The following CHL1 variants were observed in gnomAD, a reference collection of about 807,000 sequenced individuals.
CHL1 encodes the protein neural cell adhesion molecule L1-like protein.
Under a neutral mutation model 141.9 loss-of-function variants are expected in CHL1, and 96 were observed. The ratio of observed to expected loss-of-function variants is 0.68; its 90% CI spans 0.57 to 0.80. The LOEUF (loss-of-function observed/expected upper bound fraction) is 0.80, where lower values mean the gene tolerates loss of function less well. CHL1 is among the 30% of genes least tolerant of loss of function. The probability of loss-of-function intolerance (pLI) is 0.00; values close to 1 mark genes in which losing one functional copy is unlikely to be tolerated. For missense variants in CHL1, 1,820 were observed against 1,457.2 expected, an observed-to-expected ratio of 1.25 and a Z score of -4.05; for synonymous variants, 613 against 502.2, an observed-to-expected ratio of 1.22 and a Z score of -2.95.
At chr3:400,062 A>C (rs113619785) in intron 26 of CHL1, among the ~76,000 whole-genome samples, 4,854 of 152,316 alleles carry the variant, frequency 0.032, 129 homozygotes, top group African/African-American at 0.075. Context: ...ATATTGTATC[A>C]AGATGATGAT....
At position 328,283 on chromosome 3, in the gene CHL1, G is replaced by A; in HGVS notation, c.314G>A (p.Gly105Glu). 1 of 1,612,348 alleles carries A rather than the reference G, an allele frequency of 6.2e-7. No homozygotes were observed. Among genetic ancestry groups the A allele is most frequent in the Non-Finnish European group, 8.5e-7 (1 of 1,178,914 alleles). ...GAGGGGCACATATCTCACTTTCAAG[G>A]GAAATACCGCTGCTTTGCTTCAAAT... ...PNEGHISHFQ[G>E]KYRCFASNKL... Residue 105 changes from glycine to glutamate, a missense_variant, in exon 5 of 28, where the codon GGG becomes GAG. By Grantham distance (98) the Gly-to-Glu change is moderately conservative. Transcript: ENST00000256509.
chr3:363,415 T>A, intron 14 of CHL1, 32 bp downstream of exon 14: 1 of 1,578,012 alleles, frequency 6.3e-7, no homozygotes, highest in Non-Finnish European at 8.7e-7. Flanking sequence ...TTTGCATGAA[T>A]TGTCACATGG....
At position 345,712 on chromosome 3, in the gene CHL1, G is replaced by A. The variant is rs149208603; in HGVS notation, c.848+1003G>A. ...GTTAGCCAGGAAGGTCTCGATCTCC[G>A]GACCCTGTGATCCACCTGAGTTGGC... On this transcript the variant is annotated intron_variant, in intron 9 of 27. Transcript: ENST00000256509. Among the ~76,000 whole-genome samples, 19 of 152,024 alleles carry A rather than the reference G, an allele frequency of 1.2e-4. 1 individual carries two copies. Among genetic ancestry groups the A allele is most frequent in the African/African-American group, 2.7e-4 (11 of 41,494 alleles).
rs375382994 is a variant in CHL1 at position 254,935 on chromosome 3, C to G, written c.-95+10243C>G. ...ACTTGAATTTGGGAAGGGATGCATT[C>G]AAACCCTACCATCATGCAAAGAAGC... On this transcript the variant is annotated intron_variant, in intron 2 of 27. Coordinates refer to ENST00000256509, the MANE Select transcript of CHL1 (RefSeq NM_006614.4). Among the ~76,000 whole-genome samples, 28 of 152,272 alleles carry G rather than the reference C, an allele frequency of 1.8e-4. No homozygotes were observed. In the East Asian group the frequency reaches 4.4e-3, roughly 24 times the overall value.
chr3:224,926 G>A (rs887260953), intron 1 of CHL1, among the ~76,000 whole-genome samples: 32 of 151,986 alleles, frequency 2.1e-4, no homozygotes, highest in African/African-American at 4.1e-4. Flanking sequence ...ACCTAAGGTC[G>A]AGAGTTCAAG....
chr3:386,686 A>C (rs1458517416), intron 19 of CHL1, among the ~76,000 whole-genome samples: 1 of 152,220 alleles, frequency 6.6e-6, no homozygotes, highest in Non-Finnish European at 1.5e-5. Context: ...AAGCAGGAAC[A>C]TCTTTAATTA....
chr3:297,734 G>A lies in CHL1; in HGVS notation c.-94-21949G>A, dbSNP rs149853565. ...GGTTTGCTTTGTATCCCATGGAGATGATCTGAGCTTAAGCTTTTGTTAGCT... is the reference window on the plus strand; with the variant it reads ...GGTTTGCTTTGTATCCCATGGAGATAATCTGAGCTTAAGCTTTTGTTAGCT... On this transcript the variant is annotated intron_variant, in intron 2 of 27. Transcript: ENST00000256509. Among the ~76,000 whole-genome samples, 85 of 152,306 alleles carry A rather than the reference G, an allele frequency of 5.6e-4. No homozygotes were observed. In the East Asian group the frequency reaches 0.015, roughly 27 times the overall value.
At chr3:315,105 A>C (rs1228287875) in intron 2 of CHL1, among the ~76,000 whole-genome samples, 3 of 152,184 alleles carry the variant, frequency 2.0e-5, no homozygotes. Flanking sequence ...AGGAGGGACT[A>C]TATCCTCATT....
At chr3:214,572 C>T (rs954163874) in intron 1 of CHL1, among the ~76,000 whole-genome samples, 1 of 152,094 alleles carries the variant, frequency 6.6e-6, no homozygotes, top group East Asian at 1.9e-4. Context: ...CTATTTTATA[C>T]ATTGCATTTT....
chr3:344,834 T>C, intron 9 of CHL1, 125 bp downstream of exon 9: 1 of 943,558 alleles, frequency 1.1e-6, no homozygotes, highest in Non-Finnish European at 1.5e-6. Flanking sequence ...AATTAAATTC[T>C]GCCGGGCACT....
intron 1 of CHL1, among the ~76,000 whole-genome samples, chr3:242,305 TAC>T (rs1190672394): frequency 2.4e-5 from 3 of 126,242 alleles, no homozygotes; most frequent in African/African-American, 7.7e-5. Context: ...AACCTAATAA[TAC>T]AGAGACTGGC....
chr3:352,137 A>G (rs1000981598), intron 10 of CHL1, among the ~76,000 whole-genome samples: 8 of 152,158 alleles, frequency 5.3e-5, no homozygotes, highest in Non-Finnish European at 1.0e-4. Context: ...TTGCATTTTC[A>G]AAGGTTGTCA....
At chr3:337,292 G>A (rs1480418610) in intron 5 of CHL1, among the ~76,000 whole-genome samples, 14 of 145,846 alleles carry the variant, frequency 9.6e-5, no homozygotes, top group Admixed American at 1.4e-4. Context: ...CCGGGTTCCC[G>A]CCATTCTCCT....
At chr3:271,860 G>A (rs546364193) in intron 2 of CHL1, among the ~76,000 whole-genome samples, 6 of 152,290 alleles carry the variant, frequency 3.9e-5, no homozygotes, top group African/African-American at 1.4e-4. Flanking sequence ...GATGTTTGAA[G>A]CACTCTTATG....
chr3:198,442 G>A (rs935592700), intron 1 of CHL1, among the ~76,000 whole-genome samples: 4 of 152,280 alleles, frequency 2.6e-5, no homozygotes, highest in South Asian at 4.1e-4. Flanking sequence ...CGCTCTAGGC[G>A]GAGGCTCCCG....
intron 3 of CHL1, among the ~76,000 whole-genome samples, chr3:322,415 G>A (rs162588): frequency 0.32 from 48,523 of 151,240 alleles, 11,728 homozygotes; most frequent in African/African-American, 0.68. Context: ...GGGGTCCCAG[G>A]GACACATCCA....
chr3:356,519 CAT>C (rs1418338521), intron 11 of CHL1, among the ~76,000 whole-genome samples: 1 of 152,156 alleles, frequency 6.6e-6, no homozygotes, highest in Non-Finnish European at 1.5e-5. Flanking sequence ...ACAAATAACA[CAT>C]GAGTGTGTGC....
Position 391,092 on chromosome 3 carries a change from C to A in CHL1, c.2724C>A (p.Val908=). The A allele has an allele frequency of 6.2e-7, 1 of 1,613,852 alleles. No individual in the cohort carries two copies. Among genetic ancestry groups the A allele is most frequent in the South Asian group, 1.1e-5 (1 of 91,072 alleles). ...CCTTTAGTGAATTTCATTTAACAGT[C>A]TTAGCCTATAACTCTAAAGGAGCTG... ...LDAFSEFHLT[V]LAYNSKGAGP... Residue 908 remains valine (V), a synonymous_variant, in exon 22 of 28, where the codon GTC becomes GTA. Transcript: ENST00000256509.
chr3:301,107 G>C (rs567708905), intron 2 of CHL1, among the ~76,000 whole-genome samples: 1 of 152,236 alleles, frequency 6.6e-6, no homozygotes, highest in African/African-American at 2.4e-5. Flanking sequence ...TATTAACCCA[G>C]ATCTCCTTTA....
Sources: gnomAD v4.1 joint callset for allele counts (sites outside exome capture counted in the v4.1 genomes callset) on GRCh38, gnomAD v4.1.1 for gene constraint, MANE v1.5 for transcripts, NCBI Gene and HGNC (gene_info 2026-07-23, HGNC 2026-07-21) for gene names.